Variants in GATB observed in about 807,000 individuals in gnomAD.
GATB encodes the protein glutamyl-tRNA amidotransferase subunit B.
Under a neutral mutation model 62.3 loss-of-function variants are expected in GATB, and 39 were observed. The ratio of observed to expected loss-of-function variants is 0.63; its 90% CI spans 0.48 to 0.82. GATB has a LOEUF of 0.82. GATB is among the 40% of genes least tolerant of loss of function. The pLI, the probability that GATB is intolerant of heterozygous loss-of-function variation, is 0.00. For missense variants in GATB, 670 were observed against 684.0 expected (o/e 0.98, Z 0.23); for synonymous variants, 276 against 258.9 (o/e 1.07, Z -0.63).
At chr4:151,709,526 G>A (rs538488677) in intron 5 of GATB, among the ~76,000 whole-genome samples, 5 of 152,188 alleles carry the variant, frequency 3.3e-5, no homozygotes, top group African/African-American at 1.2e-4. Flanking sequence ...GAACCCTGAG[G>A]TCATCTTCTA....
At chr4:151,716,467 G>A (rs1244503243) in intron 4 of GATB, among the ~76,000 whole-genome samples, 2 of 151,896 alleles carry the variant, frequency 1.3e-5, no homozygotes, top group Non-Finnish European at 2.9e-5. Context: ...TTGGCAAGTA[G>A]GTCTCGCTAT....
chr4:151,705,218 A>C lies in GATB; in HGVS notation c.929T>G (p.Leu310Arg). ...GTGATGAAATGAGCGTGTTTCGTTC[A>C]GAATTTCACCTCCATTCTCAAGTTC... is the stretch of plus-strand genomic sequence containing the variant. The part of the protein sequence containing the change: ...INELENGGEI[L>R]NETRSFHHKL... Residue 310 changes from leucine to arginine, a missense_variant, in exon 7 of 13, where the codon CTG becomes CGG. Transcript: ENST00000263985. 6.2e-7 allele frequency: 1 copy of C among 1,613,772 alleles called. No individual in the cohort carries two copies. The highest frequency in any genetic ancestry group is 8.5e-7 in the Non-Finnish European group (1 of 1,179,670).
intron 5 of GATB, among the ~76,000 whole-genome samples, chr4:151,712,100 A>C (rs1738829590): frequency 6.6e-6 from 1 of 152,158 alleles, no homozygotes; most frequent in South Asian, 2.1e-4. Flanking sequence ...ACAATTTAGA[A>C]TTCTAATTTG....
At chr4:151,719,817 AG>A (rs981658968) in intron 2 of GATB, 3 of 300,618 alleles carry the variant, frequency 1.0e-5, no homozygotes, top group African/African-American at 2.2e-5. Flanking sequence ...CAAAGCTAAC[AG>A]GAAGAGTCGC....
intron 9 of GATB, among the ~76,000 whole-genome samples, chr4:151,692,773 C>A (rs1246982478): frequency 6.6e-6 from 1 of 152,212 alleles, no homozygotes; most frequent in African/African-American, 2.4e-5. Flanking sequence ...CTGAACAAGA[C>A]AAATCTTGTT....
intron 5 of GATB, among the ~76,000 whole-genome samples, chr4:151,711,950 G>T (rs779801648): frequency 1.3e-5 from 2 of 152,192 alleles, no homozygotes; most frequent in Non-Finnish European, 2.9e-5. Flanking sequence ...CCTCTGAAAG[G>T]CCCATTAAGC....
At position 151,701,384 on chromosome 4, in the gene GATB, C is replaced by CGGGTCACACT. The variant is rs1560849171; in HGVS notation, c.1132_1141dup (p.Arg381GlnfsTer39). The CGGGTCACACT allele has an allele frequency of 1.3e-6, 2 of 1,598,698 alleles. No homozygotes were observed. The highest frequency in any genetic ancestry group is 3.4e-5 in the Admixed American group (2 of 58,090). ...CCCATACTGTTGGACAAGCTTCTCT[C>CGGGTCACACT]GGGTCACACTGGGGAGCTCCGGGAG... is the stretch of plus-strand genomic sequence containing the variant. On this transcript the variant is annotated frameshift_variant, in exon 9 of 13. Transcript: ENST00000263985. LOFTEE classifies it high-confidence loss of function.
intron 9 of GATB, among the ~76,000 whole-genome samples, chr4:151,693,281 T>C (rs28545583): frequency 0.15 from 22,353 of 151,952 alleles, 1,946 homozygotes; most frequent in African/African-American, 0.25. Flanking sequence ...AAAGCAGGCG[T>C]CAGGGCAAGG....
intron 1 of GATB, 34 bp from the exon 2 acceptor site, chr4:151,758,956 A>G (rs758819778): frequency 2.7e-6 from 4 of 1,487,552 alleles, no homozygotes; most frequent in African/African-American, 1.4e-5. Flanking sequence ...AAGATGTATT[A>G]TATTTGTCAC....
At chr4:151,755,094 ATC>A (rs748538610) in intron 2 of GATB, among the ~76,000 whole-genome samples, 6 of 152,208 alleles carry the variant, frequency 3.9e-5, no homozygotes, top group Non-Finnish European at 8.8e-5. Context: ...CTTGTTAATT[ATC>A]TGTTAATTAA....
chr4:151,707,928 T>G, intron 6 of GATB, 60 bp downstream of exon 6: 2 of 1,147,980 alleles, frequency 1.7e-6, no homozygotes, highest in Admixed American at 3.5e-5. Context: ...GGGTTGTTTG[T>G]TACCCAGCAA....
chr4:151,688,768 TAAAAAAAAA>T lies in GATB; in HGVS notation c.1198-14_1198-6del. The T allele has an allele frequency of 7.0e-7, 1 of 1,430,820 alleles. No homozygotes were observed. Among genetic ancestry groups the T allele is most frequent in the Non-Finnish European group, 9.4e-7 (1 of 1,063,234 alleles). 88.6% of individuals were successfully genotyped at this position (1,430,820 alleles called of 1,614,324 possible). On this transcript the variant is annotated splice_region_variant and splice_polypyrimidine_tract_variant and intron_variant, in intron 9 of 12. Coordinates refer to ENST00000263985, the MANE Select transcript of GATB (RefSeq NM_004564.3). Reference sequence around the variant, plus strand: ...CTCCAGTAGGCCGACTTCGTTCTGTTAAAAAAAAAAAAAGAAAATTACATAAAGCCTCCC... The same window carrying T: ...CTCCAGTAGGCCGACTTCGTTCTGTTAAAAGAAAATTACATAAAGCCTCCC...
intron 10 of GATB, among the ~76,000 whole-genome samples, chr4:151,684,856 C>T (rs898865725): frequency 2.6e-5 from 4 of 152,160 alleles, no homozygotes; most frequent in African/African-American, 9.7e-5. Context: ...ATACCAGGGG[C>T]TCCAGGTCCA....
chr4:151,686,226 C>T (rs1418353440), intron 10 of GATB, among the ~76,000 whole-genome samples: 1 of 152,006 alleles, frequency 6.6e-6, no homozygotes, highest in Admixed American at 6.5e-5. Context: ...CTCTCTGAGG[C>T]ACGTCCTGCC....
At chr4:151,672,967 T>A (rs1207327509) in intron 11 of GATB, 71 bp from the exon 12 acceptor site, 1 of 1,559,488 alleles carries the variant, frequency 6.4e-7, no homozygotes, top group Non-Finnish European at 8.8e-7. Flanking sequence ...TTTGCAGTGC[T>A]GTGCTGTGTG....
At chr4:151,677,908 A>C (rs1171501572) in intron 11 of GATB, 1 of 152,198 alleles carries the variant, frequency 6.6e-6, no homozygotes. Flanking sequence ...AGTTTTTGAA[A>C]GTCTTTATTG....
intron 7 of GATB, among the ~76,000 whole-genome samples, 195 bp downstream of exon 7, chr4:151,704,990 T>A (rs974927313): frequency 2.3e-4 from 35 of 151,928 alleles, no homozygotes; most frequent in African/African-American, 8.5e-4. Context: ...GACCTCGTGA[T>A]CTGCCCATTG....
rs1213222996 is a variant in GATB at position 151,672,818 on chromosome 4, C to A, written c.1489G>T (p.Asp497Tyr). 4.3e-6 allele frequency: 7 copies of A among 1,614,210 alleles called. No individual in the cohort carries two copies. Among genetic ancestry groups the A allele is most frequent in the Non-Finnish European group, 5.9e-6 (7 of 1,180,022 alleles). ...VSEKQLELMQ[D>Y]QGALEQLCHS... ...CAGAGCTGCTCCAGTGCCCCCTGGTCCTGCATCAGTTCAAGCTGCTTTTCT... is the reference window on the plus strand; with the variant it reads ...CAGAGCTGCTCCAGTGCCCCCTGGTACTGCATCAGTTCAAGCTGCTTTTCT... Residue 497 changes from aspartate (D) to tyrosine (Y), a missense_variant, in exon 12 of 13, where the codon GAC (aspartate) becomes TAC (tyrosine). Physicochemically the swap from Asp to Tyr is radical, Grantham distance 160 (BLOSUM62 -3). Coordinates refer to ENST00000263985, the MANE Select transcript of GATB (RefSeq NM_004564.3).
At chr4:151,718,032 G>T (rs574605215) in intron 3 of GATB, among the ~76,000 whole-genome samples, 2 of 152,168 alleles carry the variant, frequency 1.3e-5, no homozygotes. Flanking sequence ...CACTTGGCAG[G>T]CCCCCAGTTT....
Sources: gnomAD v4.1 joint callset for allele counts (sites outside exome capture counted in the v4.1 genomes callset) on GRCh38, gnomAD v4.1.1 for gene constraint, MANE v1.5 for transcripts, NCBI Gene and HGNC (gene_info 2026-07-23, HGNC 2026-07-21) for gene names.